The following FGF13 variants were observed in gnomAD, a reference collection of about 807,000 sequenced individuals.
FGF13 encodes the protein fibroblast growth factor homologous factor 2.
Under a neutral mutation model 19.5 loss-of-function variants are expected in FGF13, and 2 were observed. That is an observed-to-expected ratio of 0.10 (90% confidence interval 0.04 to 0.32). The LOEUF is 0.32. FGF13 is among the 10% of genes least tolerant of loss of function. FGF13 has a pLI of 1.00. For missense variants in FGF13, 113 were observed against 192.7 expected (o/e 0.59, Z 2.45); for synonymous variants, 72 against 76.9 (o/e 0.94, Z 0.33).
intron 1 of FGF13, among the ~76,000 whole-genome samples, chrX:138,984,705 AAG>A (rs1221613927): frequency 6.2e-5 from 1 of 16,007 alleles, no homozygotes; most frequent in Admixed American, 5.2e-4. Flanking sequence ...GAAGAAGAAG[AAG>A]AGAAGGAGGA....
chrX:138,635,051 T>C (rs1661712251), intron 4 of FGF13, among the ~76,000 whole-genome samples: 1 of 112,198 alleles, frequency 8.9e-6, no homozygotes, highest in African/African-American at 3.2e-5. Flanking sequence ...CACCATGGAA[T>C]ACTACTCAGC....
chrX:138,704,486 CTG>C (rs2089976680), intron 2 of FGF13, among the ~76,000 whole-genome samples: 1 of 112,487 alleles, frequency 8.9e-6, no homozygotes, highest in Non-Finnish European at 1.9e-5. Context: ...ATAAATCAGT[CTG>C]TTATGGTTTC....
intron 1 of FGF13, among the ~76,000 whole-genome samples, chrX:138,916,159 G>A (rs967476061): frequency 1.3e-4 from 15 of 111,697 alleles, no homozygotes; most frequent in African/African-American, 4.6e-4. Context: ...GCAGTGAGTC[G>A]ATTGCAAGAC....
At chrX:138,693,423 A>T (rs1282482413) in intron 3 of FGF13, among the ~76,000 whole-genome samples, 1 of 111,692 alleles carries the variant, frequency 9.0e-6, no homozygotes, top group Non-Finnish European at 1.9e-5. Context: ...TTTGGTAATA[A>T]ATAAAATTTG....
intron 3 of FGF13, among the ~76,000 whole-genome samples, chrX:138,830,481 C>T (rs1177854102): frequency 9.0e-6 from 1 of 111,655 alleles, no homozygotes; most frequent in Admixed American, 9.5e-5. Flanking sequence ...TTATAGAATG[C>T]ATAATTTAAG....
At chrX:139,048,498 G>A (rs1018809543) in intron 1 of FGF13, among the ~76,000 whole-genome samples, 1 of 109,593 alleles carries the variant, frequency 9.1e-6, no homozygotes, top group Non-Finnish European at 1.9e-5. Context: ...ATTATTAAGT[G>A]CTTAAGATAA....
chrX:138,768,318 T>C (rs1176444319), intron 3 of FGF13, among the ~76,000 whole-genome samples: 1 of 112,160 alleles, frequency 8.9e-6, no homozygotes, highest in Non-Finnish European at 1.9e-5. Flanking sequence ...TGGAGTCAGA[T>C]AGTCCAAGTA....
chrX:138,712,689 A>G (rs2090065973), upstream of FGF13, among the ~76,000 whole-genome samples: 1 of 111,681 alleles, frequency 9.0e-6, no homozygotes, highest in African/African-American at 3.3e-5. Context: ...TTATTTGACT[A>G]TTTTACTTGA....
chrX:138,942,614 C>CT (rs1448793746), intron 1 of FGF13, among the ~76,000 whole-genome samples: 2 of 111,749 alleles, frequency 1.8e-5, no homozygotes, highest in African/African-American at 6.5e-5. Flanking sequence ...TTTATGCTTG[C>CT]TACAGAGCTA....
intron 1 of FGF13, among the ~76,000 whole-genome samples, chrX:139,191,766 G>C (rs910162630): frequency 7.2e-5 from 8 of 111,308 alleles, no homozygotes; most frequent in African/African-American, 2.6e-4. Flanking sequence ...GAATTACCTT[G>C]TCCACCCTGT....
chrX:139,150,907 T>G (rs900081628), intron 1 of FGF13, among the ~76,000 whole-genome samples: 4 of 110,727 alleles, frequency 3.6e-5, no homozygotes, highest in Non-Finnish European at 7.6e-5. Flanking sequence ...CCACAAAGGG[T>G]GCTACACCCA....
At chrX:139,159,902 C>G (rs1247977077) in intron 1 of FGF13, among the ~76,000 whole-genome samples, 2 of 111,069 alleles carry the variant, frequency 1.8e-5, no homozygotes, top group Non-Finnish European at 3.8e-5. Context: ...GAGACTTTAA[C>G]ACCTCACTGT....
Position 138,889,529 on chromosome X carries a change from T to A in FGF13, c.-112-24879A>T, listed in dbSNP as rs1377028070. ...GTCTGTCCAAGATAAAAACATCTCC[T>A]TAGAATCTTAGAAAATGAAAACCCA... On this transcript the variant is annotated intron_variant, in intron 1 of 2. Transcript: ENST00000421460. 1.8e-5 allele frequency among the ~76,000 whole-genome samples: 2 copies of A among 111,808 alleles called. 1 individual carries two copies. The highest frequency in any genetic ancestry group is 6.5e-5 in the African/African-American group (2 of 30,740).
chrX:138,626,723 G>C lies in FGF13; in HGVS notation c.*6127C>G, dbSNP rs1357533159. The C allele has an allele frequency of 8.8e-6, 1 of 113,023 alleles. No individual in the cohort carries two copies. The highest frequency in any genetic ancestry group is 1.9e-5 in the Non-Finnish European group (1 of 53,257). 9.3% of individuals were successfully genotyped at this position (113,023 alleles called of 1,213,427 possible). On this transcript the variant is annotated 3_prime_UTR_variant, in exon 5 of 5. Transcript: ENST00000315930. Reference sequence around the variant, plus strand: ...TAGTGTCCTGCTACACACACACACAGACACAGACACACACACACGCACACA... The same window carrying C: ...TAGTGTCCTGCTACACACACACACACACACAGACACACACACACGCACACA...
chrX:138,948,609 T>G (rs1002227073), intron 1 of FGF13, among the ~76,000 whole-genome samples: 1 of 111,641 alleles, frequency 9.0e-6, no homozygotes, highest in African/African-American at 3.3e-5. Flanking sequence ...TTCCAGAATT[T>G]TTGCTCCATT....
At position 138,629,901 on chromosome X, in the gene FGF13, A is replaced by C. The variant is rs893705904; in HGVS notation, c.*2949T>G. 9.0e-6 allele frequency: 1 copy of C among 111,291 alleles called. No homozygotes were observed. Among genetic ancestry groups the C allele is most frequent in the African/African-American group, 3.3e-5 (1 of 30,539 alleles). The allele number at this position is 111,291 out of a possible 1,213,427, so 9.2% of individuals were successfully genotyped here. ...GAGCTAATATCTGAGACCCAATAGT[A>C]TTTGAAGTGTTTCCCACAACTATTT... On this transcript the variant is annotated 3_prime_UTR_variant, in exon 5 of 5. Transcript: ENST00000315930.
intron 1 of FGF13, among the ~76,000 whole-genome samples, chrX:139,003,304 C>T (rs1166130106): frequency 1.8e-5 from 2 of 110,679 alleles, no homozygotes; most frequent in Non-Finnish European, 3.8e-5. Context: ...CTTGTGGTCT[C>T]GCTGGGCTCA....
intron 1 of FGF13, among the ~76,000 whole-genome samples, chrX:139,005,211 G>A (rs896966033): frequency 1.6e-4 from 4 of 24,626 alleles, no homozygotes; most frequent in East Asian, 3.1e-3. Flanking sequence ...CCCCCCCCCA[G>A]CTCCAGGTGG....
rs758911083 is a variant in FGF13 at position 138,980,144 on chromosome X, G to GT, written c.-112-115495dup. Among the ~76,000 whole-genome samples, 313 of 111,222 alleles carry GT rather than the reference G, an allele frequency of 2.8e-3. 1 individual carries two copies. Among genetic ancestry groups the GT allele is most frequent in the African/African-American group, 9.0e-3 (276 of 30,624 alleles). On this transcript the variant is annotated intron_variant, in intron 1 of 2. Transcript: ENST00000421460. ...GAACAGTTATGTAGTTTTTCAAAAT[G>GT]TTTTTTTTCCTTTTAGAGGGGATAT... is the stretch of plus-strand genomic sequence containing the variant.
Sources: gnomAD v4.1 joint callset for allele counts (sites outside exome capture counted in the v4.1 genomes callset) on GRCh38, gnomAD v4.1.1 for gene constraint, MANE v1.5 for transcripts, NCBI Gene and HGNC (gene_info 2026-07-23, HGNC 2026-07-21) for gene names.